GRIK4: variants seen among roughly 807,000 people sequenced by gnomAD.
GRIK4 encodes the protein glutamate ionotropic receptor kainate type subunit 4, also known as glutamate receptor ionotropic, kainate 4.
A neutral mutation model predicts 104.9 loss-of-function variants in GRIK4; 40 were observed. The ratio of observed to expected loss-of-function variants is 0.38; its 90% CI spans 0.30 to 0.50. The LOEUF is 0.50. Among genes scored for constraint, GRIK4 ranks in the 20% least tolerant of loss-of-function variants. GRIK4 has a pLI of 0.93. For synonymous variants in GRIK4, 485 were observed against 524.9 expected, an observed-to-expected ratio of 0.92 and a Z score of 1.04; for missense variants, 1,047 against 1,308.1, an observed-to-expected ratio of 0.80 and a Z score of 3.08.
intron 3 of GRIK4, among the ~76,000 whole-genome samples, chr11:120,783,854 C>T (rs551973371): frequency 1.5e-4 from 23 of 152,210 alleles, no homozygotes; most frequent in African/African-American, 3.1e-4. Context: ...AGGAAAAAAA[C>T]GATGCATAAT....
chr11:120,618,639 C>A (rs1949145125), intron 1 of GRIK4, among the ~76,000 whole-genome samples: 1 of 152,208 alleles, frequency 6.6e-6, no homozygotes, highest in Non-Finnish European at 1.5e-5. Flanking sequence ...CTGCCTTGCA[C>A]AGCATCAGGA....
At chr11:120,848,844 G>A (rs1156626539) in intron 8 of GRIK4, among the ~76,000 whole-genome samples, 2 of 152,158 alleles carry the variant, frequency 1.3e-5, no homozygotes, top group Non-Finnish European at 2.9e-5. Context: ...GGTTATCCAA[G>A]GTGAGGCAGG....
chr11:120,690,824 G>A (rs1193295455), intron 3 of GRIK4, among the ~76,000 whole-genome samples: 2 of 152,184 alleles, frequency 1.3e-5, no homozygotes, highest in Admixed American at 6.5e-5. Flanking sequence ...TTTTAATGGT[G>A]TCCCAAGCTG....
intron 3 of GRIK4, among the ~76,000 whole-genome samples, chr11:120,723,337 C>A (rs1329322162): frequency 6.6e-6 from 1 of 152,198 alleles, no homozygotes; most frequent in East Asian, 1.9e-4. Context: ...TTTGCATTGA[C>A]CCCTCCCCAA....
At chr11:120,919,685 G>T (rs1943185941) in intron 13 of GRIK4, among the ~76,000 whole-genome samples, 1 of 152,198 alleles carries the variant, frequency 6.6e-6, no homozygotes, top group Admixed American at 6.5e-5. Flanking sequence ...GACCAGTGCA[G>T]AAGCTACTGA....
At chr11:120,581,788 A>T (rs1007030616) in intron 1 of GRIK4, among the ~76,000 whole-genome samples, 2 of 150,394 alleles carry the variant, frequency 1.3e-5, no homozygotes, top group East Asian at 1.9e-4. Flanking sequence ...GTTTTATTTC[A>T]GTGAGTGGAA....
intron 1 of GRIK4, among the ~76,000 whole-genome samples, chr11:120,581,055 C>A (rs755449832): frequency 1.8e-4 from 28 of 152,150 alleles, no homozygotes; most frequent in Non-Finnish European, 3.8e-4. Context: ...TATTTGCCAA[C>A]CCTGTATCTT....
rs187360016 is a variant in GRIK4 at position 120,615,086 on chromosome 11, G to A, written c.-158-38599G>A. 3.2e-3 allele frequency among the ~76,000 whole-genome samples: 481 copies of A among 152,320 alleles called. 10 individuals are homozygous for A. The highest frequency in any genetic ancestry group is 5.7e-4 in the Non-Finnish European group (39 of 68,038). On this transcript the variant is annotated intron_variant, in intron 1 of 20. Coordinates refer to ENST00000527524, the MANE Select transcript of GRIK4 (RefSeq NM_014619.5). Reference sequence around the variant, plus strand: ...TCATCGTGGGTTTCGTTTGTGTCAGGCACCATGCTAGGTGCTTTTTCTGTG... The same window carrying A: ...TCATCGTGGGTTTCGTTTGTGTCAGACACCATGCTAGGTGCTTTTTCTGTG...
chr11:120,871,666 A>T (rs1454268183), intron 9 of GRIK4: 1 of 456,350 alleles, frequency 2.2e-6, no homozygotes, highest in Admixed American at 2.3e-5. Flanking sequence ...GGCCGAGGGC[A>T]GTGGCCTGAT....
At chr11:120,929,247 G>A (rs771199157) in intron 13 of GRIK4, among the ~76,000 whole-genome samples, 5 of 152,232 alleles carry the variant, frequency 3.3e-5, no homozygotes, top group South Asian at 4.2e-4. Context: ...GGCGGGTGGC[G>A]TGGGCAGACA....
chr11:120,911,240 CTTTT>C (rs202173501), intron 13 of GRIK4, among the ~76,000 whole-genome samples: 3 of 137,724 alleles, frequency 2.2e-5, no homozygotes, highest in Non-Finnish European at 3.2e-5. Flanking sequence ...CCAAAATTCT[CTTTT>C]TTTTTTTTTT....
rs1942765890 is a variant in GRIK4, at chr11:120,902,555, G to A, written c.1273-2735G>A. ...GAAACCCCCAGCCATGCCCTGTCCA[G>A]GAAGCCATTTGTTTGCTTCTTACTC... On this transcript the variant is annotated intron_variant, in intron 12 of 20. Coordinates refer to ENST00000527524, the MANE Select transcript of GRIK4 (RefSeq NM_014619.5). The surrounding 1 kb of genome is among the most constrained non-coding windows in gnomAD (Gnocchi z 4.5). 1.3e-5 allele frequency among the ~76,000 whole-genome samples: 2 copies of A among 152,286 alleles called. No individual in the cohort carries two copies. Among genetic ancestry groups the A allele is most frequent in the South Asian group, 4.1e-4 (2 of 4,830 alleles).
intron 13 of GRIK4, among the ~76,000 whole-genome samples, chr11:120,922,740 G>T (rs1412152501): frequency 6.6e-6 from 1 of 152,194 alleles, no homozygotes; most frequent in South Asian, 2.1e-4. Context: ...TGCCGATGGC[G>T]GTGTCGGCAG....
chr11:120,856,181 C>G (rs1048842925), intron 8 of GRIK4, among the ~76,000 whole-genome samples: 6 of 152,226 alleles, frequency 3.9e-5, no homozygotes, highest in Non-Finnish European at 7.3e-5. Context: ...TACAGGTGAA[C>G]ACATCGAAAG....
At chr11:120,668,897 A>G (rs567619106) in intron 3 of GRIK4, among the ~76,000 whole-genome samples, 62 of 152,216 alleles carry the variant, frequency 4.1e-4, no homozygotes, top group African/African-American at 1.0e-3. Flanking sequence ...TAAGAATTCA[A>G]TAAGTTCCTG....
At chr11:120,810,987 C>T (rs867690724) in intron 4 of GRIK4, among the ~76,000 whole-genome samples, 2 of 152,134 alleles carry the variant, frequency 1.3e-5, no homozygotes. Context: ...TGTAATTCCC[C>T]CCACAAGTGT....
intron 1 of GRIK4, among the ~76,000 whole-genome samples, chr11:120,557,315 C>T (rs1948197285): frequency 1.3e-5 from 2 of 152,184 alleles, no homozygotes; most frequent in South Asian, 4.1e-4. Flanking sequence ...AGGTCCGCTG[C>T]CTTGGGGGAA....
At chr11:120,944,274 A>C (rs114472033) in intron 14 of GRIK4, among the ~76,000 whole-genome samples, 2,388 of 138,534 alleles carry the variant, frequency 0.017, 66 homozygotes, top group African/African-American at 0.062. Context: ...GTCCTTTTCT[A>C]TTCTTATTCT....
At chr11:120,815,614 A>C in intron 5 of GRIK4, 139 bp downstream of exon 5, 3 of 542,582 alleles carry the variant, frequency 5.5e-6, no homozygotes, top group Non-Finnish European at 3.2e-6. Flanking sequence ...ATAAATACAA[A>C]TACAGAAGCA....
Sources: gnomAD v4.1 joint callset for allele counts (sites outside exome capture counted in the v4.1 genomes callset) on GRCh38, gnomAD v4.1.1 for gene constraint, Gnocchi (gnomAD v3.1) non-coding constraint, MANE v1.5 for transcripts, NCBI Gene and HGNC (gene_info 2026-07-23, HGNC 2026-07-21) for gene names.